PDE4D: variants seen among roughly 807,000 people sequenced by gnomAD.
PDE4D encodes the protein phosphodiesterase 4D.
A neutral mutation model predicts 87.4 loss-of-function variants in PDE4D; 24 were observed. That is an observed-to-expected ratio of 0.27 (90% CI 0.20 to 0.39). The LOEUF is 0.39. Among genes scored for constraint, PDE4D ranks in the 10% least tolerant of loss-of-function variants. The pLI is 1.00. For missense variants in PDE4D, 714 were observed against 1,041.0 expected, an observed-to-expected ratio of 0.69 and a Z score of 4.32; for synonymous variants, 384 against 383.2, an observed-to-expected ratio of 1.00 and a Z score of -0.02.
chr5:59,439,048 C>T (rs925958808), intron 1 of PDE4D, among the ~76,000 whole-genome samples: 4 of 152,014 alleles, frequency 2.6e-5, no homozygotes, highest in Non-Finnish European at 4.4e-5. Flanking sequence ...TATTTGCTTG[C>T]AGGGAGAGAT....
chr5:60,327,963 TA>T (rs1756954683), intron 1 of PDE4D, among the ~76,000 whole-genome samples: 1 of 152,264 alleles, frequency 6.6e-6, no homozygotes, highest in East Asian at 1.9e-4. Context: ...ATATAATTTT[TA>T]AAAACATGAG....
At chr5:59,874,079 A>T (rs948281526) in intron 1 of PDE4D, among the ~76,000 whole-genome samples, 6 of 152,076 alleles carry the variant, frequency 3.9e-5, no homozygotes, top group Non-Finnish European at 8.8e-5. Flanking sequence ...ATGGCCGAGT[A>T]TGATGGCTCC....
chr5:59,323,398 T>C (rs925163786), intron 1 of PDE4D, among the ~76,000 whole-genome samples: 6 of 152,104 alleles, frequency 3.9e-5, no homozygotes, highest in African/African-American at 1.4e-4. Flanking sequence ...CATTTGAAAA[T>C]GCTTTAAGGA....
chr5:60,416,195 AAAC>A (rs1157453322), intron 1 of PDE4D, among the ~76,000 whole-genome samples: 1 of 152,130 alleles, frequency 6.6e-6, no homozygotes, highest in African/African-American at 2.4e-5. Context: ...CACACTGTCA[AAAC>A]AGACCAATCA....
intron 1 of PDE4D, among the ~76,000 whole-genome samples, chr5:59,824,639 A>G (rs1257101319): frequency 1.3e-5 from 2 of 152,236 alleles, no homozygotes; most frequent in Non-Finnish European, 2.9e-5. Flanking sequence ...TTGGATGACG[A>G]CAAGTACTTA....
chr5:60,322,775 A>G (rs527948000), intron 1 of PDE4D, among the ~76,000 whole-genome samples: 1 of 152,234 alleles, frequency 6.6e-6, no homozygotes, highest in East Asian at 1.9e-4. Context: ...TTCTCTTCTT[A>G]TAAGTTTTGT....
intron 2 of PDE4D, among the ~76,000 whole-genome samples, chr5:60,135,311 G>A (rs372962044): frequency 1.3e-5 from 2 of 152,286 alleles, no homozygotes; most frequent in East Asian, 3.9e-4. Flanking sequence ...AATTTCTATT[G>A]TTCGTAAGCT....
rs1248160458 is a variant in PDE4D at position 60,504,185 on chromosome 5, G to A, written n.70+17866C>T. On this transcript the variant is annotated intron_variant and non_coding_transcript_variant, in intron 1 of 2. Transcript: ENST00000506510. Reference sequence around the variant, plus strand: ...CCTGGGGACTATGCAATTCTCTGATGACTTTCCCATTTATGTTTTGAATGT... The same window carrying A: ...CCTGGGGACTATGCAATTCTCTGATAACTTTCCCATTTATGTTTTGAATGT... Among the ~76,000 whole-genome samples the A allele has an allele frequency of 2.6e-5, 4 of 152,024 alleles. No homozygotes were observed. The East Asian group carries it at 7.7e-4, about 29-fold the overall frequency.
chr5:59,012,280 AG>A (rs1752978038), intron 6 of PDE4D, among the ~76,000 whole-genome samples: 1 of 152,236 alleles, frequency 6.6e-6, no homozygotes, highest in African/African-American at 2.4e-5. Flanking sequence ...TCATAAAGAC[AG>A]GATCAAATTC....
At chr5:60,171,487 G>A (rs530743112) in intron 2 of PDE4D, among the ~76,000 whole-genome samples, 145 of 152,164 alleles carry the variant, frequency 9.5e-4, no homozygotes, top group Middle Eastern at 3.4e-3. Context: ...TTAGAGAAAT[G>A]CATGGATCTG....
intron 5 of PDE4D, among the ~76,000 whole-genome samples, chr5:59,117,367 A>G (rs1773773229): frequency 6.6e-6 from 1 of 152,186 alleles, no homozygotes; most frequent in Non-Finnish European, 1.5e-5. Flanking sequence ...TAATGTAACA[A>G]AATGTATTAG....
chr5:59,795,281 G>T (rs367571435), intron 1 of PDE4D, among the ~76,000 whole-genome samples: 1 of 152,164 alleles, frequency 6.6e-6, no homozygotes, highest in Admixed American at 6.5e-5. Context: ...CTCTATATGT[G>T]AGGATAGACT....
intron 1 of PDE4D, among the ~76,000 whole-genome samples, chr5:60,343,981 T>C (rs1404283705): frequency 1.3e-5 from 2 of 151,882 alleles, no homozygotes; most frequent in African/African-American, 4.8e-5. Context: ...TTTTTTTTTT[T>C]TGGACCATTA....
intron 1 of PDE4D, among the ~76,000 whole-genome samples, chr5:59,666,170 A>G (rs1196502978): frequency 6.6e-6 from 1 of 152,162 alleles, no homozygotes; most frequent in Non-Finnish European, 1.5e-5. Flanking sequence ...CATGTTGCCC[A>G]GGCTGGTCTC....
intron 1 of PDE4D, among the ~76,000 whole-genome samples, chr5:59,726,511 T>C (rs1307734866): frequency 6.6e-6 from 1 of 152,098 alleles, no homozygotes; most frequent in Non-Finnish European, 1.5e-5. Flanking sequence ...CAGAAGGCAC[T>C]GACTGCAAGC....
At chr5:59,850,034 A>G (rs149346815) in intron 1 of PDE4D, among the ~76,000 whole-genome samples, 178 of 152,138 alleles carry the variant, frequency 1.2e-3, no homozygotes, top group African/African-American at 4.1e-3. Flanking sequence ...CTATATCCAT[A>G]CTAGAGATTT....
In PDE4D at chr5:59,472,081, C is replaced by T. The variant is rs116734106; in HGVS notation, c.456-256113G>A. Among the ~76,000 whole-genome samples, 771 of 152,002 alleles carry T rather than the reference C, an allele frequency of 5.1e-3. 6 individuals are homozygous for T. The highest frequency in any genetic ancestry group is 0.017 in the African/African-American group (698 of 41,490). On this transcript the variant is annotated intron_variant, in intron 1 of 14. Coordinates refer to ENST00000340635, the MANE Select transcript of PDE4D (RefSeq NM_001104631.2). ...AAGAGAAGGGAAGAGCCAATTTATG[C>T]AAAAAGAGAAATCACACCTTCTGCT...
intron 1 of PDE4D, among the ~76,000 whole-genome samples, chr5:59,701,152 GCTATTCCTCTCTCCCTGAAATGCTCTTC>G (rs1752496537): frequency 6.6e-6 from 1 of 152,000 alleles, no homozygotes; most frequent in Non-Finnish European, 1.5e-5. Flanking sequence ...CTCTGTTCCT[GCTATTCCTCTCTCCCTGAAATGCTCTTC>G]CTATTCCTCT....
chr5:59,276,429 A>G (rs1764838631), intron 1 of PDE4D, among the ~76,000 whole-genome samples: 1 of 152,174 alleles, frequency 6.6e-6, no homozygotes, highest in African/African-American at 2.4e-5. Context: ...TATTTCACTG[A>G]AGCACTAAAA....
Sources: gnomAD v4.1 joint callset for allele counts (sites outside exome capture counted in the v4.1 genomes callset) on GRCh38, gnomAD v4.1.1 for gene constraint, MANE v1.5 for transcripts, NCBI Gene and HGNC (gene_info 2026-07-23, HGNC 2026-07-21) for gene names.